TYW1B: variants seen among roughly 807,000 people sequenced by gnomAD.
TYW1B encodes the protein tRNA-yW synthesizing protein 1 homolog B.
A neutral mutation model predicts 86.9 loss-of-function variants in TYW1B; 73 were observed. The observed-to-expected ratio is 0.84, with a 90% CI of 0.70 to 1.02. TYW1B has a LOEUF of 1.02. TYW1B is among the 50% of genes least tolerant of loss of function. The probability of loss-of-function intolerance (pLI) is 0.00; values close to 1 mark genes in which losing one functional copy is unlikely to be tolerated. For synonymous variants in TYW1B, 248 were observed against 292.8 expected (o/e 0.85, Z 1.56); for missense variants, 637 against 827.4 (o/e 0.77, Z 2.82).
chr7:72,725,641 T>C (rs1213167212), intron 9 of TYW1B, among the ~76,000 whole-genome samples: 2 of 152,158 alleles, frequency 1.3e-5, no homozygotes, highest in Admixed American at 1.3e-4. Context: ...CGTCATAATG[T>C]GGATGGGCCT....
At chr7:72,602,951 T>C (rs1811702668) in intron 13 of TYW1B, among the ~76,000 whole-genome samples, 1 of 151,432 alleles carries the variant, frequency 6.6e-6, no homozygotes, top group Non-Finnish European at 1.5e-5. Flanking sequence ...TGGCCAAAGC[T>C]GGGACAATTT....
At chr7:72,706,431 C>CAA (rs59124514) in intron 10 of TYW1B, among the ~76,000 whole-genome samples, 120 of 64,386 alleles carry the variant, frequency 1.9e-3, no homozygotes, top group African/African-American at 4.3e-3. Flanking sequence ...CCTCCATCTC[C>CAA]AAAAAAAAAA....
Position 72,712,518 on chromosome 7 carries a change from G to A in TYW1B, c.1370+1103C>T, listed in dbSNP as rs185223277. On this transcript the variant is annotated intron_variant, in intron 10 of 13. Transcript: ENST00000620995. ...TAATTTTGTATTTTTAGTAGAGATG[G>A]GGTTTCCCCATGTTGGTCAGGCTGG... 6.5e-4 allele frequency among the ~76,000 whole-genome samples: 99 copies of A among 152,246 alleles called. 3 individuals carry two copies. The East Asian group carries it at 0.017, about 26-fold the overall frequency.
At chr7:72,757,524 A>G (rs1787613613) in intron 7 of TYW1B, among the ~76,000 whole-genome samples, 2 of 152,320 alleles carry the variant, frequency 1.3e-5, no homozygotes, top group South Asian at 4.1e-4. Context: ...CACAGGATAG[A>G]CAAATACATC....
At chr7:72,586,784 C>A (rs1370705925) in intron 13 of TYW1B, among the ~76,000 whole-genome samples, 25 of 151,404 alleles carry the variant, frequency 1.7e-4, no homozygotes, top group African/African-American at 6.1e-4. Context: ...CTGGTGTGGC[C>A]TAAGGCCTAC....
chr7:72,690,486 G>A (rs1264144130), intron 11 of TYW1B, among the ~76,000 whole-genome samples: 77 of 152,326 alleles, frequency 5.1e-4, no homozygotes, highest in African/African-American at 1.9e-3. Context: ...TGTAAACACT[G>A]TACTTGCCAA....
intron 11 of TYW1B, among the ~76,000 whole-genome samples, chr7:72,667,453 G>A (rs1813492451): frequency 6.6e-6 from 1 of 152,152 alleles, no homozygotes; most frequent in Non-Finnish European, 1.5e-5. Context: ...GGTGGCTCAC[G>A]CCTGCAATCT....
chr7:72,691,532 C>T (rs1333189320), intron 11 of TYW1B, among the ~76,000 whole-genome samples: 1 of 152,186 alleles, frequency 6.6e-6, no homozygotes, highest in Non-Finnish European at 1.5e-5. Flanking sequence ...GGTAAGAATT[C>T]AGTTTTTGGA....
intron 9 of TYW1B, among the ~76,000 whole-genome samples, chr7:72,718,800 T>G (rs1203699126): frequency 2.6e-5 from 4 of 152,184 alleles, no homozygotes; most frequent in Admixed American, 6.5e-5. Context: ...CATGAGCAGC[T>G]GAGTAGAAAG....
At chr7:72,591,701 G>C (rs1330228492) in intron 13 of TYW1B, among the ~76,000 whole-genome samples, 1 of 152,106 alleles carries the variant, frequency 6.6e-6, no homozygotes. Flanking sequence ...TGAAATGAAA[G>C]GGCACTAGAC....
At chr7:72,740,894 C>T (rs1787292416) in intron 8 of TYW1B, among the ~76,000 whole-genome samples, 2 of 151,876 alleles carry the variant, frequency 1.3e-5, no homozygotes, top group Non-Finnish European at 2.9e-5. Flanking sequence ...CCACGCCTGG[C>T]TAATTTTTTG....
intron 13 of TYW1B, among the ~76,000 whole-genome samples, chr7:72,592,719 C>G (rs1219472289): frequency 1.3e-5 from 2 of 152,140 alleles, no homozygotes; most frequent in African/African-American, 4.8e-5. Context: ...TCCATGCAAA[C>G]AGTAACCCAA....
intron 10 of TYW1B, among the ~76,000 whole-genome samples, chr7:72,713,282 CAGAGTGAG>C (rs1786709154): frequency 1.9e-5 from 2 of 106,188 alleles, no homozygotes; most frequent in Non-Finnish European, 3.4e-5. Flanking sequence ...GCCGGGGAGA[CAGAGTGAG>C]ACTCCAACTC....
chr7:72,749,019 A>T (rs1585952521), intron 7 of TYW1B, among the ~76,000 whole-genome samples: 1 of 152,204 alleles, frequency 6.6e-6, no homozygotes, highest in African/African-American at 2.4e-5. Flanking sequence ...ATTCTTCATT[A>T]AATATTTGGT....
chr7:72,738,632 T>C (rs1787243534), intron 8 of TYW1B, among the ~76,000 whole-genome samples: 2 of 152,178 alleles, frequency 1.3e-5, no homozygotes, highest in South Asian at 4.1e-4. Context: ...CATTGTCAAA[T>C]GTTCCAAATC....
At chr7:72,799,216 C>T (rs1315865464) in intron 6 of TYW1B, among the ~76,000 whole-genome samples, 12 of 133,760 alleles carry the variant, frequency 9.0e-5, no homozygotes, top group African/African-American at 2.3e-4. Context: ...TTGAATGCAG[C>T]GGCATGATCT....
intron 11 of TYW1B, among the ~76,000 whole-genome samples, chr7:72,680,387 C>A (rs1484122787): frequency 6.6e-6 from 1 of 152,042 alleles, no homozygotes; most frequent in Non-Finnish European, 1.5e-5. Flanking sequence ...AGTCTTCTGG[C>A]CTTCATCTTT....
intron 11 of TYW1B, among the ~76,000 whole-genome samples, chr7:72,642,513 C>G (rs1300775939): frequency 6.6e-6 from 1 of 152,174 alleles, no homozygotes; most frequent in Non-Finnish European, 1.5e-5. Context: ...CTCATAACAG[C>G]CAAAAGCTGG....
intron 13 of TYW1B, among the ~76,000 whole-genome samples, chr7:72,598,400 C>T (rs1403843433): frequency 2.6e-5 from 4 of 151,926 alleles, no homozygotes; most frequent in Non-Finnish European, 5.9e-5. Context: ...TAGTTCTATC[C>T]CTCTAACAGA....
Sources: gnomAD v4.1 joint callset for allele counts (sites outside exome capture counted in the v4.1 genomes callset) on GRCh38, gnomAD v4.1.1 for gene constraint, MANE v1.5 for transcripts, NCBI Gene and HGNC (gene_info 2026-07-23, HGNC 2026-07-21) for gene names.